Variants in MAGI1 observed in about 807,000 individuals in gnomAD.
The protein encoded by MAGI1 is membrane associated guanylate kinase, WW and PDZ domain containing 1, also known as membrane-associated guanylate kinase, WW and PDZ domain-containing protein 1.
A neutral mutation model predicts 139.9 loss-of-function variants in MAGI1; 58 were observed. The observed-to-expected ratio is 0.41, with a 90% CI of 0.34 to 0.52. MAGI1 has a LOEUF of 0.52. Ranked by LOEUF, MAGI1 falls within the 20% of genes least tolerant of loss-of-function variation. The pLI is 0.12. For missense variants in MAGI1, 1,874 were observed against 1,901.6 expected, an observed-to-expected ratio of 0.99 and a Z score of 0.27; for synonymous variants, 812 against 737.9, an observed-to-expected ratio of 1.10 and a Z score of -1.63.
At chr3:65,404,420 T>C (rs1945168012) in intron 12 of MAGI1, among the ~76,000 whole-genome samples, 1 of 152,182 alleles carries the variant, frequency 6.6e-6, no homozygotes, top group Non-Finnish European at 1.5e-5. Flanking sequence ...AAAACCTTTG[T>C]TTAAAGAGGC....
intron 1 of MAGI1, among the ~76,000 whole-genome samples, chr3:66,030,986 T>C (rs571616113): frequency 1.3e-5 from 2 of 152,302 alleles, no homozygotes; most frequent in Middle Eastern, 3.4e-3. Flanking sequence ...GTCAATATGA[T>C]AGGACCAACC....
intron 1 of MAGI1, chr3:65,844,123 G>C (rs1255828357): frequency 1.9e-6 from 1 of 518,972 alleles, no homozygotes; most frequent in Non-Finnish European, 3.8e-6. Flanking sequence ...AGTGGGGCTG[G>C]ACACTGGGTC....
chr3:65,840,245 T>G (rs2058759925), intron 1 of MAGI1, among the ~76,000 whole-genome samples: 2 of 152,160 alleles, frequency 1.3e-5, no homozygotes. Context: ...AGAGTATGTT[T>G]TTTATTTCCT....
intron 2 of MAGI1, among the ~76,000 whole-genome samples, chr3:65,539,346 A>C (rs111807555): frequency 0.032 from 4,864 of 151,830 alleles, 257 homozygotes; most frequent in African/African-American, 0.11. Flanking sequence ...ACATCAAACA[A>C]ACACACATAC....
intron 22 of MAGI1, chr3:65,359,268 T>C: frequency 6.6e-7 from 1 of 1,526,410 alleles, no homozygotes; most frequent in South Asian, 1.3e-5. Flanking sequence ...AAAATCTACA[T>C]TTGTTAACAT....
chr3:65,805,774 C>T (rs955626061), intron 1 of MAGI1, among the ~76,000 whole-genome samples: 3 of 152,168 alleles, frequency 2.0e-5, no homozygotes, highest in African/African-American at 7.2e-5. Context: ...GGAACAAGAT[C>T]ATGTCCTTTG....
In MAGI1 at chr3:65,762,445, A is replaced by G. The variant is rs984181979; in HGVS notation, c.314-140357T>C. On this transcript the variant is annotated intron_variant, in intron 1 of 22. Coordinates refer to ENST00000402939, the MANE Select transcript of MAGI1 (RefSeq NM_001033057.2). ...CAGGTGGACAAGTGAAGTACAAAGA[A>G]TGGGAAGGCGGAAAAAAAAAACAGG... Among the ~76,000 whole-genome samples the G allele has an allele frequency of 2.6e-5, 4 of 152,070 alleles. No homozygotes were observed. The East Asian group carries it at 7.7e-4, about 29-fold the overall frequency.
intron 1 of MAGI1, among the ~76,000 whole-genome samples, chr3:65,922,702 T>C (rs1302241517): frequency 2.0e-5 from 3 of 152,168 alleles, no homozygotes; most frequent in Non-Finnish European, 4.4e-5. Flanking sequence ...TGATGACACC[T>C]GAGAGGAGAA....
At chr3:65,626,381 T>C (rs1449181000) in intron 1 of MAGI1, among the ~76,000 whole-genome samples, 3 of 152,122 alleles carry the variant, frequency 2.0e-5, no homozygotes, top group South Asian at 4.2e-4. Context: ...CTGGAGTGCA[T>C]TGGTGTGATC....
chr3:65,843,796 C>A, intron 1 of MAGI1: 1 of 176,162 alleles, frequency 5.7e-6, no homozygotes, highest in Non-Finnish European at 1.2e-5. Flanking sequence ...ACTTTTAGTC[C>A]AGTTTCAACT....
chr3:65,409,902 C>G (rs1409251331), intron 12 of MAGI1, among the ~76,000 whole-genome samples: 2 of 152,202 alleles, frequency 1.3e-5, no homozygotes, highest in Non-Finnish European at 2.9e-5. Flanking sequence ...AGATTAAGAA[C>G]ATAGTTGTAC....
At chr3:65,605,962 G>C (rs1237020434) in intron 2 of MAGI1, among the ~76,000 whole-genome samples, 1 of 152,116 alleles carries the variant, frequency 6.6e-6, no homozygotes, top group East Asian at 1.9e-4. Flanking sequence ...CTCCTCCTTT[G>C]CATCCATTCA....
chr3:65,998,540 T>C (rs2066576193), intron 1 of MAGI1, among the ~76,000 whole-genome samples: 1 of 152,224 alleles, frequency 6.6e-6, no homozygotes, highest in African/African-American at 2.4e-5. Flanking sequence ...CTCTAGAATA[T>C]ACTCCTTTAA....
intron 2 of MAGI1, among the ~76,000 whole-genome samples, chr3:65,559,416 G>A (rs2080234355): frequency 6.6e-6 from 1 of 152,160 alleles, no homozygotes; most frequent in Non-Finnish European, 1.5e-5. Flanking sequence ...GATTGAATGA[G>A]TCCATAATAT....
intron 1 of MAGI1, among the ~76,000 whole-genome samples, chr3:65,918,062 C>T (rs1264760224): frequency 6.6e-6 from 1 of 152,134 alleles, no homozygotes; most frequent in Non-Finnish European, 1.5e-5. Context: ...ACCTTCCTCT[C>T]AATTTTATTG....
chr3:65,444,313 C>G (rs1559559046), intron 7 of MAGI1, among the ~76,000 whole-genome samples: 2 of 151,996 alleles, frequency 1.3e-5, no homozygotes, highest in Middle Eastern at 3.4e-3. Context: ...CCTTACAAAG[C>G]TGGAAATTAC....
intron 2 of MAGI1, among the ~76,000 whole-genome samples, chr3:65,612,584 G>A (rs78425574): frequency 0.015 from 2,333 of 152,082 alleles, 60 homozygotes; most frequent in African/African-American, 0.051. Context: ...ACGTTTTCTT[G>A]TTTAAATTTT....
chr3:65,890,941 G>A (rs536513650), intron 1 of MAGI1, among the ~76,000 whole-genome samples: 2 of 152,160 alleles, frequency 1.3e-5, no homozygotes, highest in Non-Finnish European at 2.9e-5. Flanking sequence ...CCTGGGCAGT[G>A]GTTCACACCT....
At chr3:65,956,362 G>C (rs963164880) in intron 1 of MAGI1, among the ~76,000 whole-genome samples, 1 of 152,170 alleles carries the variant, frequency 6.6e-6, no homozygotes, top group East Asian at 1.9e-4. Context: ...TAACTATGTA[G>C]GTTTACATAG....
Sources: allele counts gnomAD v4.1 joint callset (sites outside exome capture counted in the v4.1 genomes callset), GRCh38; gene constraint gnomAD v4.1.1; transcripts MANE v1.5; gene names NCBI Gene and HGNC (gene_info 2026-07-23, HGNC 2026-07-21).